The following RNF19B variants were observed in gnomAD, a reference collection of about 807,000 sequenced individuals.
RNF19B encodes the protein ring finger protein 19B.
RNF19B carries 23 observed loss-of-function variants against 65.5 expected under a neutral mutation model. The observed-to-expected ratio is 0.35, with a 90% CI of 0.25 to 0.50. The LOEUF (loss-of-function observed/expected upper bound fraction) is 0.50. Among genes scored for constraint, RNF19B ranks in the 20% least tolerant of loss-of-function variants. RNF19B has a pLI of 0.98. For synonymous variants in RNF19B, 372 were observed against 379.6 expected, an observed-to-expected ratio of 0.98 and a Z score of 0.23; for missense variants, 794 against 980.0, an observed-to-expected ratio of 0.81 and a Z score of 2.53.
intron 7 of RNF19B, among the ~76,000 whole-genome samples, chr1:32,941,945 A>C (rs1311811286): frequency 6.6e-6 from 1 of 152,048 alleles, no homozygotes; most frequent in Non-Finnish European, 1.5e-5. Flanking sequence ...AAAATACAAA[A>C]AATTAGCTGG....
chr1:32,942,826 A>T (rs1396489757), intron 6 of RNF19B, among the ~76,000 whole-genome samples: 1 of 152,164 alleles, frequency 6.6e-6, no homozygotes, highest in Non-Finnish European at 1.5e-5. Flanking sequence ...GCTGATTTTA[A>T]TAGGAAGCTT....
chr1:32,943,615 A>G (rs1157991870), intron 6 of RNF19B, among the ~76,000 whole-genome samples: 1 of 152,164 alleles, frequency 6.6e-6, no homozygotes, highest in Non-Finnish European at 1.5e-5. Context: ...CCGTCTCAAA[A>G]AAAAAAAAAG....
At chr1:32,951,303 G>A (rs771796670) in intron 1 of RNF19B, among the ~76,000 whole-genome samples, 11 of 152,260 alleles carry the variant, frequency 7.2e-5, no homozygotes, top group Non-Finnish European at 1.0e-4. Context: ...GTCAGGCATA[G>A]CAGTTGCACT....
chr1:32,944,793 A>G (rs940742679), intron 5 of RNF19B, among the ~76,000 whole-genome samples: 1 of 151,556 alleles, frequency 6.6e-6, no homozygotes, highest in Admixed American at 6.6e-5. Context: ...GGTTCACGCC[A>G]TTCTCCTGCC....
chr1:32,957,523 C>A (rs1004303715), intron 1 of RNF19B, among the ~76,000 whole-genome samples: 1 of 152,268 alleles, frequency 6.6e-6, no homozygotes, highest in Non-Finnish European at 1.5e-5. Flanking sequence ...CAGGGTTCAA[C>A]AGTGTATCAT....
chr1:32,958,769 G>C (rs1272031014), intron 1 of RNF19B, among the ~76,000 whole-genome samples: 1 of 151,932 alleles, frequency 6.6e-6, no homozygotes, highest in African/African-American at 2.4e-5. Flanking sequence ...AAATGATAAG[G>C]GTAGATCAAA....
downstream of RNF19B, among the ~76,000 whole-genome samples, chr1:32,931,811 T>C (rs909871408): frequency 6.6e-6 from 1 of 152,240 alleles, no homozygotes; most frequent in Admixed American, 6.5e-5. Context: ...TACATGATGA[T>C]CTATCATGGC....
chr1:32,936,862 CAG>C lies in RNF19B; in HGVS notation c.2138_2139del (p.Ser713CysfsTer47). ...APSPSAHMNL[S>X]ALAEGQTVLK... ...AAGACAGTTTGTCCCTCGGCTAGGG[CAG>C]AGAGGTTCATATGGGCACTTGGGCT... On this transcript the variant is annotated frameshift_variant, in exon 9 of 9. Transcript: ENST00000235150. LOFTEE classifies it high-confidence loss of function. 1 of 1,609,140 alleles carries C rather than the reference CAG, an allele frequency of 6.2e-7. No individual in the cohort carries two copies. Among genetic ancestry groups the C allele is most frequent in the South Asian group, 1.1e-5 (1 of 90,444 alleles).
At chr1:32,949,062 T>C (rs67811792) in intron 2 of RNF19B, among the ~76,000 whole-genome samples, 23,691 of 152,172 alleles carry the variant, frequency 0.16, 2,705 homozygotes, top group African/African-American at 0.31. Flanking sequence ...CATTTTAAAA[T>C]AGGTTTCCTC....
chr1:32,941,523 G>C (rs1642230670), intron 7 of RNF19B, among the ~76,000 whole-genome samples: 1 of 151,974 alleles, frequency 6.6e-6, no homozygotes, highest in South Asian at 2.1e-4. Flanking sequence ...CTGGGCGACA[G>C]AGCAAGACTC....
chr1:32,943,606 C>T (rs1474081733), intron 6 of RNF19B, among the ~76,000 whole-genome samples: 4 of 150,174 alleles, frequency 2.7e-5, no homozygotes, highest in South Asian at 2.1e-4. Context: ...ACAGAGACTC[C>T]GTCTCAAAAA....
chr1:32,930,411 A>ATT, the RNF19B span, among the ~76,000 whole-genome samples: 5 of 126,026 alleles, frequency 4.0e-5, no homozygotes, highest in East Asian at 6.9e-4. Flanking sequence ...TGCCCGGCTG[A>ATT]TTTTTTTTTT....
At chr1:32,963,254 C>A (rs1004021448) in intron 1 of RNF19B, among the ~76,000 whole-genome samples, 1 of 152,178 alleles carries the variant, frequency 6.6e-6, no homozygotes, top group Non-Finnish European at 1.5e-5. Flanking sequence ...ATTCCCCAGT[C>A]ACCTCCATCC....
chr1:32,963,730 GAAAA>G (rs1191998231), intron 1 of RNF19B, among the ~76,000 whole-genome samples: 2 of 130,868 alleles, frequency 1.5e-5, no homozygotes, highest in South Asian at 2.4e-4. Flanking sequence ...AAAAAAAAAA[GAAAA>G]AAAAAAAAAG....
chr1:32,952,500 T>C (rs1642531009), intron 1 of RNF19B, among the ~76,000 whole-genome samples: 1 of 148,124 alleles, frequency 6.8e-6, no homozygotes, highest in Non-Finnish European at 1.5e-5. Context: ...CCCAGCACTT[T>C]GGGACACTGA....
Position 32,947,743 on chromosome 1 carries a change from G to C in RNF19B, c.983+479C>G, listed in dbSNP as rs542592639. 2.0e-5 allele frequency among the ~76,000 whole-genome samples: 3 copies of C among 151,874 alleles called. No homozygotes were observed. The South Asian group carries it at 6.2e-4, about 32-fold the overall frequency. On this transcript the variant is annotated intron_variant, in intron 3 of 8. Coordinates refer to ENST00000235150, the MANE Select transcript of RNF19B (RefSeq NM_001300826.2). ...AAACTGTAAAAAGGTCACAACTCTA[G>C]CCTCAAGATACTTACAGTTTAGTAA...
rs375952837 is a variant in RNF19B at position 32,938,545 on chromosome 1, C to T, written c.1611-17G>A. 1.6e-5 allele frequency: 26 copies of T among 1,611,770 alleles called. No homozygotes were observed. Among genetic ancestry groups the T allele is most frequent in the African/African-American group, 8.0e-5 (6 of 74,888 alleles). ...ACTTCTAACCTGTGTAAAGAGGGGA[C>T]GTTCAAGTTAATATGAGACCTGGGT... is the stretch of plus-strand genomic sequence containing the variant. On this transcript the variant is annotated splice_polypyrimidine_tract_variant and intron_variant, in intron 7 of 8. Transcript: ENST00000235150.
At chr1:32,931,868 C>T (rs570226677), downstream of RNF19B, among the ~76,000 whole-genome samples, 2 of 152,342 alleles carry the variant, frequency 1.3e-5, no homozygotes, top group East Asian at 3.9e-4. Flanking sequence ...CATTTCATTT[C>T]AGGTGACCAC....
At chr1:32,953,162 G>A (rs1389251679) in intron 1 of RNF19B, among the ~76,000 whole-genome samples, 1 of 151,302 alleles carries the variant, frequency 6.6e-6, no homozygotes, top group Non-Finnish European at 1.5e-5. Context: ...TAGAGACAGG[G>A]TTGGTCTTGC....
Sources: gnomAD v4.1 joint callset for allele counts (sites outside exome capture counted in the v4.1 genomes callset) on GRCh38, gnomAD v4.1.1 for gene constraint, MANE v1.5 for transcripts, NCBI Gene and HGNC (gene_info 2026-07-23, HGNC 2026-07-21) for gene names.